MROH1: variants seen among roughly 807,000 people sequenced by gnomAD.
MROH1 encodes maestro heat-like repeat-containing protein family member 1.
MROH1 carries 117 observed loss-of-function variants against 116.5 expected under a neutral mutation model. The ratio of observed to expected loss-of-function variants is 1.00; its 90% CI spans 0.86 to 1.17. MROH1 has a LOEUF of 1.17. Among genes scored for constraint, MROH1 ranks in the 50% most tolerant of loss-of-function variants. The pLI is 0.00. For missense variants in MROH1, 1,873 were observed against 1,338.5 expected (o/e 1.40, Z -6.23); for synonymous variants, 921 against 583.9 (o/e 1.58, Z -8.32).
intron 14 of MROH1, among the ~76,000 whole-genome samples, chr8:144,225,041 G>GT (rs1837530852): frequency 6.6e-6 from 1 of 151,794 alleles, no homozygotes; most frequent in Non-Finnish European, 1.5e-5. Flanking sequence ...ATTATGTTTG[G>GT]TTTTTTAATT....
intron 14 of MROH1, among the ~76,000 whole-genome samples, chr8:144,237,088 G>C (rs989018061): frequency 6.6e-6 from 1 of 151,536 alleles, no homozygotes. Flanking sequence ...TGTATTTTTA[G>C]TAGAGACGGG....
At chr8:144,194,468 T>C (rs1829360254) in intron 10 of MROH1, among the ~76,000 whole-genome samples, 1 of 152,156 alleles carries the variant, frequency 6.6e-6, no homozygotes, top group South Asian at 2.1e-4. Flanking sequence ...TGTTAGGCAA[T>C]TCCCTGTAAG....
chr8:144,222,809 CCCAGGTATGTGGGTACAGGCCCAGGT>C (rs1413585533), intron 13 of MROH1, among the ~76,000 whole-genome samples: 3 of 151,076 alleles, frequency 2.0e-5, no homozygotes, highest in Non-Finnish European at 4.4e-5. Flanking sequence ...CAGGCCCAGG[CCCAGGTATGTGGGTACAGGCCCAGGT>C]ATGGATACAG....
At chr8:144,165,417 C>T (rs1820566283) in intron 3 of MROH1, among the ~76,000 whole-genome samples, 1 of 151,998 alleles carries the variant, frequency 6.6e-6, no homozygotes, top group Non-Finnish European at 1.5e-5. Flanking sequence ...CCGCGCACAG[C>T]CCACACCCAG....
At chr8:144,220,263 G>T (rs1015436660) in intron 12 of MROH1, among the ~76,000 whole-genome samples, 2 of 152,114 alleles carry the variant, frequency 1.3e-5, no homozygotes, top group African/African-American at 2.4e-5. Flanking sequence ...CCTGCCCCCA[G>T]TGCTTAATCC....
At chr8:144,148,802 C>T (rs903554824) in intron 1 of MROH1, 1 of 152,658 alleles carries the variant, frequency 6.6e-6, no homozygotes, top group Non-Finnish European at 1.5e-5. Flanking sequence ...GCTGGTGGCT[C>T]GGTCCTACAC....
intron 14 of MROH1, among the ~76,000 whole-genome samples, chr8:144,232,519 A>C (rs969573094): frequency 6.6e-6 from 1 of 150,548 alleles, no homozygotes; most frequent in Admixed American, 6.6e-5. Context: ...TTTGAGACAG[A>C]GTCTTGCTCT....
intron 14 of MROH1, among the ~76,000 whole-genome samples, chr8:144,227,850 G>C (rs1838096263): frequency 6.6e-6 from 1 of 152,152 alleles, no homozygotes; most frequent in Non-Finnish European, 1.5e-5. Context: ...CCACTCGAGA[G>C]GCTGAGGTGG....
chr8:144,240,447 C>T, intron 19 of MROH1, 123 bp from the exon 20 acceptor site: 1 of 697,744 alleles, frequency 1.4e-6, no homozygotes, highest in Non-Finnish European at 2.6e-6. Flanking sequence ...TCTGCCGCCC[C>T]CGGCCTCCGC....
intron 14 of MROH1, among the ~76,000 whole-genome samples, chr8:144,234,517 T>G (rs1476996492): frequency 2.2e-4 from 19 of 87,670 alleles, no homozygotes; most frequent in African/African-American, 8.1e-4. Flanking sequence ...TTTTTTTTTT[T>G]TTTTTTTTTT....
chr8:144,260,852 G>A lies in MROH1; in HGVS notation c.4536+20G>A, dbSNP rs1844908397. 5 of 777,544 alleles carry A rather than the reference G, an allele frequency of 6.4e-6. No individual in the cohort carries two copies. Among genetic ancestry groups the A allele is most frequent in the Non-Finnish European group, 1.2e-5 (5 of 417,742 alleles). The allele number at this position is 777,544 out of a possible 1,614,324, so 48.2% of individuals were successfully genotyped here. On this transcript the variant is annotated intron_variant, in intron 40 of 43. Transcript: ENST00000326134. ...GCCAGCGTGAGTAGCCAGGGGGTGA[G>A]TGGGATGGGGTGGGTGGCCTCAACT...
rs553657506 is a variant in MROH1 at position 144,165,785 on chromosome 8, G to A, written c.22+1937G>A. On this transcript the variant is annotated intron_variant, in intron 3 of 43. Coordinates refer to ENST00000326134, the MANE Select transcript of MROH1 (RefSeq NM_032450.3). ...TTTTGTAGAGACGGGGTTTCACCAT[G>A]TTGGCCAGGCTGGTCTCAAACTCCT... Among the ~76,000 whole-genome samples the A allele has an allele frequency of 2.2e-5, 3 of 138,536 alleles. No individual in the cohort carries two copies. In the East Asian group the frequency reaches 6.2e-4, roughly 29 times the overall value. The allele number at this position is 138,536 out of a possible 152,430, so 90.9% of individuals were successfully genotyped here.
Position 144,164,353 on chromosome 8 carries a change from C to T in MROH1, c.22+505C>T, listed in dbSNP as rs1446771266. Among the ~76,000 whole-genome samples the T allele has an allele frequency of 2.6e-4, 39 of 149,194 alleles. 2 individuals carry two copies. Among genetic ancestry groups the T allele is most frequent in the Admixed American group, 2.5e-3 (37 of 14,888 alleles). On this transcript the variant is annotated intron_variant, in intron 3 of 43. Coordinates refer to ENST00000326134, the MANE Select transcript of MROH1 (RefSeq NM_032450.3). The stretch of plus-strand genomic sequence containing the variant: ...TCGGGAGGCGGAGGTTGCAGTGAGC[C>T]GAGATCGTGCCACTGCACTCCAGTC...
intron 13 of MROH1, among the ~76,000 whole-genome samples, chr8:144,221,771 G>A (rs879264120): frequency 6.6e-6 from 1 of 152,122 alleles, no homozygotes; most frequent in Non-Finnish European, 1.5e-5. Context: ...AGACCAACCG[G>A]CTCGCTCCTC....
chr8:144,220,503 C>T lies in MROH1; in HGVS notation c.1142-97C>T, dbSNP rs546040986. 1.6e-3 allele frequency: 1,634 copies of T among 1,034,434 alleles called. 15 individuals are homozygous for T. The Middle Eastern group carries it at 0.02, about 13-fold the overall frequency. The allele number at this position is 1,034,434 out of a possible 1,614,324, so 64.1% of individuals were successfully genotyped here. On this transcript the variant is annotated intron_variant, in intron 12 of 43. Coordinates refer to ENST00000326134, the MANE Select transcript of MROH1 (RefSeq NM_032450.3). The stretch of plus-strand genomic sequence containing the variant: ...CCTTATGCTCCCTCTTCCTCCTACA[C>T]GGGGACCACGGGGAAGCCAGGCCCC...
chr8:144,237,873 G>C (rs1588418890), intron 14 of MROH1, among the ~76,000 whole-genome samples: 2 of 152,152 alleles, frequency 1.3e-5, no homozygotes, highest in East Asian at 3.8e-4. Context: ...GTTTCTGGTG[G>C]AGTATGTCCT....
intron 11 of MROH1, among the ~76,000 whole-genome samples, chr8:144,199,861 G>A (rs1243429608): frequency 2.0e-5 from 3 of 152,216 alleles, no homozygotes; most frequent in Non-Finnish European, 2.9e-5. Flanking sequence ...ACTGCAGCCA[G>A]GCTGGGGGCA....
chr8:144,198,921 G>A (rs1830497701), intron 10 of MROH1, among the ~76,000 whole-genome samples: 1 of 152,118 alleles, frequency 6.6e-6, no homozygotes, highest in Non-Finnish European at 1.5e-5. Flanking sequence ...GTCCCTGGAG[G>A]GCCTCTGATT....
At chr8:144,150,657 C>T (rs917074552) in intron 1 of MROH1, among the ~76,000 whole-genome samples, 5 of 152,222 alleles carry the variant, frequency 3.3e-5, no homozygotes, top group East Asian at 1.9e-4. Context: ...CATCACTGAT[C>T]GTCACCATTT....
Sources: gnomAD v4.1 joint callset for allele counts (sites outside exome capture counted in the v4.1 genomes callset) on GRCh38, gnomAD v4.1.1 for gene constraint, MANE v1.5 for transcripts, NCBI Gene and HGNC (gene_info 2026-07-23, HGNC 2026-07-21) for gene names.